The following HIVEP1 variants were observed in gnomAD, a reference collection of about 807,000 sequenced individuals.
The protein encoded by HIVEP1 is HIVEP zinc finger 1, also known as zinc finger protein 40.
HIVEP1 carries 36 observed loss-of-function variants against 180.0 expected under a neutral mutation model. That is an observed-to-expected ratio of 0.20 (90% confidence interval 0.15 to 0.26). HIVEP1 has a LOEUF of 0.26. HIVEP1 is among the 10% of genes least tolerant of loss of function. The probability of loss-of-function intolerance (pLI) is 1.00; values close to 1 mark genes in which losing one functional copy is unlikely to be tolerated. For missense variants in HIVEP1, 3,143 were observed against 3,268.7 expected (o/e 0.96, Z 0.94); for synonymous variants, 1,239 against 1,239.0 (o/e 1.00, Z 0.00).
At chr6:12,107,221 C>G (rs1774487838) in intron 3 of HIVEP1, among the ~76,000 whole-genome samples, 1 of 152,142 alleles carries the variant, frequency 6.6e-6, no homozygotes, top group Non-Finnish European at 1.5e-5. Context: ...TTTCCCAGTG[C>G]ATATCAAAGT....
chr6:12,163,839 C>T lies in HIVEP1; in HGVS notation c.7535C>T (p.Pro2512Leu), dbSNP rs1760570928. 2 of 1,614,042 alleles carry T rather than the reference C, an allele frequency of 1.2e-6. No individual in the cohort carries two copies. Among genetic ancestry groups the T allele is most frequent in the South Asian group, 2.2e-5 (2 of 91,086 alleles). The stretch of plus-strand genomic sequence containing the variant: ...ACAAATATGGCCCCACAAGTCCATC[C>T]ACCAGGACTGGCTCTGAATGCTGTC... ...ANTNMAPQVH[P>L]PGLALNAVGL... The change falls in exon 9 of 9, where the codon CCA becomes CTA. Residue 2512 changes from proline to leucine, a missense_variant. By Grantham distance (98) the Pro-to-Leu change is moderately conservative. Coordinates refer to ENST00000379388, the MANE Select transcript of HIVEP1 (RefSeq NM_002114.4).
chr6:12,097,108 A>G (rs188997365), intron 3 of HIVEP1, among the ~76,000 whole-genome samples: 70 of 152,138 alleles, frequency 4.6e-4, no homozygotes, highest in African/African-American at 1.6e-3. Context: ...TATTATATTG[A>G]TGTTAACTAG....
chr6:12,032,592 T>C (rs905663180), intron 2 of HIVEP1, among the ~76,000 whole-genome samples: 1 of 152,208 alleles, frequency 6.6e-6, no homozygotes, highest in Non-Finnish European at 1.5e-5. Context: ...ACTTAATCTC[T>C]CTGAACCTGT....
chr6:12,040,804 C>T (rs1450298830), intron 2 of HIVEP1, among the ~76,000 whole-genome samples: 1 of 151,022 alleles, frequency 6.6e-6, no homozygotes, highest in Non-Finnish European at 1.5e-5. Context: ...GGGGAGGCCT[C>T]AGGAAGCTTC....
At chr6:12,170,510 C>CA in the HIVEP1 span, among the ~76,000 whole-genome samples, 17 of 152,132 alleles carry the variant, frequency 1.1e-4, no homozygotes, top group Non-Finnish European at 2.2e-4. Flanking sequence ...GGCTGCAACT[C>CA]ACAGATGTGA....
At chr6:12,008,824 T>A (rs1388147012), upstream of HIVEP1, 1 of 152,218 alleles carries the variant, frequency 6.6e-6, no homozygotes, top group African/African-American at 2.4e-5. Context: ...GTTTTTAAAA[T>A]TAAAAGTTAA....
intron 8 of HIVEP1, among the ~76,000 whole-genome samples, chr6:12,162,896 C>T (rs1462589328): frequency 6.6e-6 from 1 of 152,148 alleles, no homozygotes; most frequent in Non-Finnish European, 1.5e-5. Context: ...AACTCTTAAT[C>T]TCTAAAATAA....
chr6:12,074,643 T>TGTGTGTGTATGTGTGTGC (rs573970756), intron 2 of HIVEP1, among the ~76,000 whole-genome samples: 99 of 148,148 alleles, frequency 6.7e-4, no homozygotes, highest in Non-Finnish European at 1.2e-3. Flanking sequence ...TGTGTGTGTG[T>TGTGTGTGTATGTGTGTGC]GCGCGCGCGT....
intron 2 of HIVEP1, among the ~76,000 whole-genome samples, chr6:12,031,106 G>A (rs996655035): frequency 6.6e-6 from 1 of 152,142 alleles, no homozygotes; most frequent in Admixed American, 6.5e-5. Context: ...TTGTTTTAAA[G>A]CCAAAGGTAG....
downstream of HIVEP1, among the ~76,000 whole-genome samples, chr6:12,167,640 C>CATGTTATATTATATGTAT (rs1562023596): frequency 2.1e-5 from 2 of 95,754 alleles, no homozygotes; most frequent in African/African-American, 6.5e-5. Flanking sequence ...GTTATATATA[C>CATGTTATATTATATGTAT]ATATACATAT....
At chr6:12,145,607 G>A (rs1194220842) in intron 7 of HIVEP1, among the ~76,000 whole-genome samples, 1 of 150,932 alleles carries the variant, frequency 6.6e-6, no homozygotes, top group Non-Finnish European at 1.5e-5. Context: ...CGTTTGATCA[G>A]TGGGGCCTTC....
intron 2 of HIVEP1, among the ~76,000 whole-genome samples, chr6:12,017,493 A>G (rs1463931722): frequency 6.6e-6 from 1 of 152,218 alleles, no homozygotes; most frequent in East Asian, 1.9e-4. Context: ...CAAAGAGCAC[A>G]ACAACAAAGC....
chr6:12,025,208 T>G (rs1768498939), intron 2 of HIVEP1, among the ~76,000 whole-genome samples: 1 of 152,218 alleles, frequency 6.6e-6, no homozygotes, highest in South Asian at 2.1e-4. Flanking sequence ...TAGAAAGTTC[T>G]TTCCTGATTA....
intron 2 of HIVEP1, among the ~76,000 whole-genome samples, chr6:12,058,095 C>T (rs948121821): frequency 6.6e-6 from 1 of 152,036 alleles, no homozygotes; most frequent in Non-Finnish European, 1.5e-5. Context: ...GTTGTCACAT[C>T]GCTTTAGTGT....
intron 3 of HIVEP1, among the ~76,000 whole-genome samples, chr6:12,092,598 CCA>C (rs1237753025): frequency 6.6e-6 from 1 of 152,088 alleles, no homozygotes; most frequent in African/African-American, 2.4e-5. Flanking sequence ...ATATTGTTTT[CCA>C]GAGTTTTTTT....
At chr6:12,135,719 A>C in intron 6 of HIVEP1, 72 bp from the exon 7 acceptor site, 1 of 924,636 alleles carries the variant, frequency 1.1e-6, no homozygotes, top group South Asian at 1.4e-5. Flanking sequence ...TAGGAATGAA[A>C]TTTGCCAGTG....
intron 3 of HIVEP1, among the ~76,000 whole-genome samples, chr6:12,105,452 C>T (rs1774365943): frequency 6.6e-6 from 1 of 152,180 alleles, no homozygotes; most frequent in Non-Finnish European, 1.5e-5. Flanking sequence ...TTATCCTCTC[C>T]AGGATCTTGG....
intron 3 of HIVEP1, among the ~76,000 whole-genome samples, chr6:12,095,672 G>C (rs995711563): frequency 6.6e-6 from 1 of 151,858 alleles, no homozygotes; most frequent in African/African-American, 2.4e-5. Context: ...AGTACTCATA[G>C]ATTTTATGTT....
chr6:12,040,972 C>T (rs1003664897), intron 2 of HIVEP1, among the ~76,000 whole-genome samples: 2 of 152,208 alleles, frequency 1.3e-5, no homozygotes, highest in African/African-American at 2.4e-5. Flanking sequence ...GGTGTGTCCC[C>T]ATGATCCAGC....
Sources: allele counts gnomAD v4.1 joint callset (sites outside exome capture counted in the v4.1 genomes callset), GRCh38; gene constraint gnomAD v4.1.1; transcripts MANE v1.5; gene names NCBI Gene and HGNC (gene_info 2026-07-23, HGNC 2026-07-21).